The following GLYATL1 variants were observed in gnomAD, a reference collection of about 807,000 sequenced individuals.
GLYATL1 encodes the protein glycine N-acyltransferase-like protein 1.
GLYATL1 carries 15 observed loss-of-function variants against 20.0 expected under a neutral mutation model. The ratio of observed to expected loss-of-function variants is 0.75; its 90% CI spans 0.50 to 1.15. GLYATL1 has a LOEUF of 1.15. GLYATL1 is among the 50% of genes most tolerant of loss of function. The pLI is 0.00. For synonymous variants in GLYATL1, 151 were observed against 131.5 expected, an observed-to-expected ratio of 1.15 and a Z score of -1.01; for missense variants, 380 against 368.5, an observed-to-expected ratio of 1.03 and a Z score of -0.26.
Position 58,955,232 on chromosome 11 carries a change from A to G in GLYATL1, c.370A>G (p.Lys124Glu), listed in dbSNP as rs1052203054. 4 of 1,614,020 alleles carry G rather than the reference A, an allele frequency of 2.5e-6. No homozygotes were observed. In the African/African-American group the frequency reaches 5.3e-5, roughly 22 times the overall value. The change falls in exon 6 of 7, where the codon AAA (lysine) becomes GAA (glutamate). Residue 124 changes from lysine to glutamate, a missense_variant. By Grantham distance (56) the Lys-to-Glu change is moderately conservative (BLOSUM62 1). Coordinates refer to ENST00000532726, the MANE Select transcript of GLYATL1 (RefSeq NM_001389712.2). The stretch of plus-strand genomic sequence containing the variant: ...AGTGGCTACATTTTCAAAGTCAGTG[A>G]AAGTAGAGCATTCGAGAGCACTCCT... ...IRVATFSKSV[K>E]VEHSRALLLV...
rs765593037 is a variant in GLYATL1, at chr11:58,955,307, C to T, written c.445C>T (p.Leu149Phe). The T allele has an allele frequency of 1.9e-6, 3 of 1,614,120 alleles. No homozygotes were observed. Among genetic ancestry groups the T allele is most frequent in the Admixed American group, 1.7e-5 (1 of 60,026 alleles). Reference protein sequence around the residue: ...LKLNASSKSKLGSWAETGHPD... With the variant: ...LKLNASSKSKFGSWAETGHPD... ...GCTCAATGCCTCCAGTAAAAGCAAG[C>T]TTGGAAGCTGGGCTGAGACAGGCCA... The change falls in exon 6 of 7, where the codon CTT (leucine) becomes TTT (phenylalanine). Residue 149 changes from leucine (L) to phenylalanine (F), a missense_variant. By Grantham distance (22) the Leu-to-Phe change is conservative. Coordinates refer to ENST00000532726, the MANE Select transcript of GLYATL1 (RefSeq NM_001389712.2).
At chr11:58,943,429 C>A in intron 1 of GLYATL1, 114 bp from the exon 2 acceptor site, 3 of 1,527,658 alleles carry the variant, frequency 2.0e-6, no homozygotes, top group South Asian at 2.5e-5. Context: ...CACGAGGCAC[C>A]CCCGGAGCCT....
chr11:58,932,706 T>C (rs1000696410), intron 1 of GLYATL1, among the ~76,000 whole-genome samples: 2 of 152,228 alleles, frequency 1.3e-5, no homozygotes, highest in African/African-American at 4.8e-5. Flanking sequence ...GAAGAACAAA[T>C]TCAGCTGGAT....
intron 1 of GLYATL1, among the ~76,000 whole-genome samples, chr11:58,939,986 G>A (rs1856023087): frequency 6.6e-6 from 1 of 152,232 alleles, no homozygotes; most frequent in Non-Finnish European, 1.5e-5. Context: ...CTTGTTTGAT[G>A]CTGCAACAGT....
chr11:58,922,008 C>T (rs1310826597), intron 1 of GLYATL1, among the ~76,000 whole-genome samples: 1 of 152,136 alleles, frequency 6.6e-6, no homozygotes, highest in Admixed American at 6.5e-5. Flanking sequence ...TGAGATTTTC[C>T]CCACATTGAT....
intron 1 of GLYATL1, among the ~76,000 whole-genome samples, chr11:58,929,980 T>G (rs1193954152): frequency 6.6e-6 from 1 of 152,236 alleles, no homozygotes; most frequent in Non-Finnish European, 1.5e-5. Flanking sequence ...TGACTAATGC[T>G]CAATGTCTTG....
At chr11:58,930,374 A>C (rs1565122350) in intron 1 of GLYATL1, among the ~76,000 whole-genome samples, 1 of 152,226 alleles carries the variant, frequency 6.6e-6, no homozygotes, top group Non-Finnish European at 1.5e-5. Context: ...AATTTATTTT[A>C]GCCAATGCAG....
rs185974279 is a variant in GLYATL1, at chr11:58,951,871, A to G, written c.187-2899A>G. On this transcript the variant is annotated intron_variant, in intron 4 of 6. Transcript: ENST00000532726. ...CAAATATGTCCCACTGTTGTTTAAA[A>G]TCCTGTTTGTGTGGGGCATTATTTG... Among the ~76,000 whole-genome samples the G allele has an allele frequency of 2.1e-3, 312 of 152,078 alleles. 1 individual carries two copies. The highest frequency in any genetic ancestry group is 7.1e-3 in the African/African-American group (293 of 41,456).
At chr11:58,907,612 C>G (rs1590763520) in exon 2 of GLYATL1, 3 of 323,238 alleles carry the variant, frequency 9.3e-6, no homozygotes, top group East Asian at 1.5e-4. Flanking sequence ...ACTTCTGGAT[C>G]TGTCTCTATT....
intron 4 of GLYATL1, among the ~76,000 whole-genome samples, chr11:58,952,139 T>C (rs951668025): frequency 6.6e-6 from 1 of 152,192 alleles, no homozygotes; most frequent in Admixed American, 6.5e-5. Context: ...TATTTGCAGG[T>C]TTAGAGCATT....
intron 1 of GLYATL1, among the ~76,000 whole-genome samples, chr11:58,929,157 C>T (rs1193827187): frequency 6.6e-6 from 1 of 152,224 alleles, no homozygotes; most frequent in Non-Finnish European, 1.5e-5. Flanking sequence ...TGAATAGAAT[C>T]TGCCAGAGCA....
intron 2 of GLYATL1, among the ~76,000 whole-genome samples, chr11:58,944,441 AT>A (rs1416648250): frequency 2.0e-5 from 3 of 152,216 alleles, no homozygotes; most frequent in African/African-American, 7.2e-5. Flanking sequence ...AAAGAAAAAA[AT>A]ATATAGCATT....
chr11:58,949,056 A>C (rs1265532813), intron 4 of GLYATL1, among the ~76,000 whole-genome samples: 1 of 152,268 alleles, frequency 6.6e-6, no homozygotes, highest in Non-Finnish European at 1.5e-5. Context: ...TAGTGTTTAC[A>C]ATAATTAGCC....
intron 1 of GLYATL1, chr11:58,934,253 T>C: frequency 6.6e-6 from 1 of 152,520 alleles, no homozygotes; most frequent in Non-Finnish European, 1.5e-5. Flanking sequence ...TCAGAGATGG[T>C]CCTAGAGACT....
At chr11:58,920,994 C>G (rs1233495794) in intron 1 of GLYATL1, among the ~76,000 whole-genome samples, 3 of 152,156 alleles carry the variant, frequency 2.0e-5, no homozygotes, top group Admixed American at 1.3e-4. Flanking sequence ...CATGGACATA[C>G]AAAAAGAAAG....
At chr11:58,918,599 C>T (rs1855235156) in intron 1 of GLYATL1, among the ~76,000 whole-genome samples, 1 of 152,170 alleles carries the variant, frequency 6.6e-6, no homozygotes, top group Admixed American at 6.5e-5. Flanking sequence ...TTCTTACACC[C>T]AGAATGGGCA....
At chr11:58,908,468 T>C (rs574667640) in exon 2 of GLYATL1, 2 of 197,800 alleles carry the variant, frequency 1.0e-5, no homozygotes, top group Non-Finnish European at 2.2e-5. Context: ...GAACTCATCA[T>C]GAATTCCATG....
chr11:58,938,060 A>G (rs1691620062), upstream of GLYATL1, among the ~76,000 whole-genome samples: 1 of 152,256 alleles, frequency 6.6e-6, no homozygotes, highest in African/African-American at 2.4e-5. Context: ...TTGATAATAT[A>G]ATAGCTTTAA....
chr11:58,946,914 T>G, intron 2 of GLYATL1, 132 bp from the exon 3 acceptor site: 1 of 723,856 alleles, frequency 1.4e-6, no homozygotes, highest in Non-Finnish European at 2.5e-6. Context: ...CCCTCTGAGA[T>G]TTGGTGTATT....
Sources: allele counts gnomAD v4.1 joint callset (sites outside exome capture counted in the v4.1 genomes callset), GRCh38; gene constraint gnomAD v4.1.1; transcripts MANE v1.5; gene names NCBI Gene and HGNC (gene_info 2026-07-23, HGNC 2026-07-21).